Variants in ARL15 observed in about 807,000 individuals in gnomAD.
ARL15 encodes ARF like GTPase 15, also known as ADP-ribosylation factor-like protein 15.
ARL15 carries 19 observed loss-of-function variants against 25.2 expected under a neutral mutation model. That is an observed-to-expected ratio of 0.75 (90% confidence interval 0.53 to 1.10). ARL15 has a LOEUF of 1.10. Ranked by LOEUF, ARL15 falls within the 50% of genes least tolerant of loss-of-function variation. The probability of loss-of-function intolerance (pLI) is 0.00; values close to 1 mark genes in which losing one functional copy is unlikely to be tolerated. For synonymous variants in ARL15, 94 were observed against 86.8 expected, an observed-to-expected ratio of 1.08 and a Z score of -0.46; for missense variants, 220 against 246.0, an observed-to-expected ratio of 0.89 and a Z score of 0.71.
At chr5:53,921,766 T>C (rs1183667142) in intron 4 of ARL15, among the ~76,000 whole-genome samples, 1 of 152,142 alleles carries the variant, frequency 6.6e-6, no homozygotes, top group African/African-American at 2.4e-5. Context: ...AGAGAGACCC[T>C]GTCTCAAAAC....
At chr5:54,068,494 T>C (rs1409092661) in intron 4 of ARL15, among the ~76,000 whole-genome samples, 3 of 152,228 alleles carry the variant, frequency 2.0e-5, no homozygotes, top group African/African-American at 7.2e-5. Flanking sequence ...TTCTGTTTCT[T>C]TATCTCTAAC....
At chr5:54,177,945 A>T (rs1579877475) in intron 1 of ARL15, among the ~76,000 whole-genome samples, 2 of 152,214 alleles carry the variant, frequency 1.3e-5, no homozygotes, top group African/African-American at 4.8e-5. Flanking sequence ...ACAGACTAGC[A>T]CTACAGTTAA....
rs1580102028 is a variant in ARL15 at position 53,941,720 on chromosome 5, G to T, written c.463-55007C>A. ...AGCAGGCAAGATGCATGTTCCTGGT[G>T]GGCACAGTTGTTTATGTGGTGATTC... On this transcript the variant is annotated intron_variant, in intron 4 of 4. Transcript: ENST00000504924. Among the ~76,000 whole-genome samples the T allele has an allele frequency of 2.0e-5, 3 of 152,240 alleles. No individual in the cohort carries two copies. The East Asian group carries it at 5.8e-4, about 29-fold the overall frequency.
chr5:54,090,861 G>A (rs1191222176), intron 4 of ARL15, among the ~76,000 whole-genome samples: 1 of 152,102 alleles, frequency 6.6e-6, no homozygotes, highest in Non-Finnish European at 1.5e-5. Flanking sequence ...ACCACAAGGG[G>A]CTATAACAAG....
At chr5:53,927,478 G>A (rs548113575) in intron 4 of ARL15, among the ~76,000 whole-genome samples, 1 of 152,220 alleles carries the variant, frequency 6.6e-6, no homozygotes, top group African/African-American at 2.4e-5. Flanking sequence ...CCTGCCCTGG[G>A]TCCCAATTCA....
At chr5:53,979,576 A>C (rs1748053140) in intron 4 of ARL15, among the ~76,000 whole-genome samples, 1 of 151,990 alleles carries the variant, frequency 6.6e-6, no homozygotes, top group African/African-American at 2.4e-5. Context: ...ACAACAACAA[A>C]AATCTCATAC....
At chr5:53,990,878 CA>C (rs1335230575) in intron 4 of ARL15, among the ~76,000 whole-genome samples, 1 of 151,890 alleles carries the variant, frequency 6.6e-6, no homozygotes, top group Non-Finnish European at 1.5e-5. Flanking sequence ...TTTCAAAATT[CA>C]AAAAAATTTT....
chr5:54,075,349 G>A (rs1213341982), intron 4 of ARL15, among the ~76,000 whole-genome samples: 1 of 152,086 alleles, frequency 6.6e-6, no homozygotes, highest in East Asian at 1.9e-4. Context: ...AATTACAGAA[G>A]TAAAGTTTTA....
intron 4 of ARL15, among the ~76,000 whole-genome samples, chr5:53,902,963 CATGTCAGTCACGGGAAGGGA>C (rs1382268124): frequency 6.6e-6 from 1 of 152,104 alleles, no homozygotes; most frequent in Non-Finnish European, 1.5e-5. Context: ...AACCAGGTGC[CATGTCAGTCACGGGAAGGGA>C]ATTTCTTTCC....
At chr5:53,955,911 T>G (rs1403545848) in intron 4 of ARL15, among the ~76,000 whole-genome samples, 2 of 152,186 alleles carry the variant, frequency 1.3e-5, no homozygotes, top group Admixed American at 6.5e-5. Context: ...GTGGAAACCC[T>G]GCAGCTGCCT....
chr5:53,948,502 C>T (rs925952301), intron 4 of ARL15, among the ~76,000 whole-genome samples: 24 of 152,174 alleles, frequency 1.6e-4, no homozygotes, highest in Admixed American at 1.4e-3. Flanking sequence ...TGATCCTACA[C>T]CCTATTCTTA....
At chr5:54,064,705 T>A (rs951132871) in intron 4 of ARL15, among the ~76,000 whole-genome samples, 3 of 148,958 alleles carry the variant, frequency 2.0e-5, no homozygotes, top group Non-Finnish European at 4.4e-5. Flanking sequence ...CCCTGAGGTT[T>A]TATGAGCACT....
intron 4 of ARL15, among the ~76,000 whole-genome samples, chr5:53,900,578 C>G (rs1382772473): frequency 6.6e-6 from 1 of 151,102 alleles, no homozygotes; most frequent in Non-Finnish European, 1.5e-5. Context: ...ATCTAGTATT[C>G]TCAATATAAT....
intron 1 of ARL15, among the ~76,000 whole-genome samples, chr5:54,266,294 A>C (rs746375139): frequency 1.3e-5 from 2 of 152,240 alleles, no homozygotes; most frequent in Non-Finnish European, 2.9e-5. Context: ...GTGGCTGTAC[A>C]TAATAGATGA....
chr5:53,926,413 A>G (rs1320048687), intron 4 of ARL15, among the ~76,000 whole-genome samples: 1 of 152,084 alleles, frequency 6.6e-6, no homozygotes, highest in African/African-American at 2.4e-5. Flanking sequence ...CGGCGGGAAA[A>G]AAGTCCCCCC....
chr5:54,274,221 TGGGTCAGACTCAACCAGA>T (rs1561291536), intron 1 of ARL15, among the ~76,000 whole-genome samples: 2 of 152,088 alleles, frequency 1.3e-5, no homozygotes, highest in African/African-American at 4.8e-5. Flanking sequence ...CGGCTGACGC[TGGGTCAGACTCAACCAGA>T]AGGGCCACCC....
At chr5:54,268,550 T>C (rs1757692294) in intron 1 of ARL15, among the ~76,000 whole-genome samples, 1 of 152,186 alleles carries the variant, frequency 6.6e-6, no homozygotes, top group African/African-American at 2.4e-5. Context: ...GCTCTGCTTT[T>C]TAGAGTTTCC....
intron 4 of ARL15, among the ~76,000 whole-genome samples, chr5:54,106,854 CTAA>C (rs1021479469): frequency 5.9e-5 from 9 of 151,890 alleles, no homozygotes; most frequent in South Asian, 2.1e-4. Flanking sequence ...AGGCGAAATT[CTAA>C]TATTATGATT....
chr5:54,276,774 G>A (rs1201836686), intron 1 of ARL15, among the ~76,000 whole-genome samples: 1 of 152,216 alleles, frequency 6.6e-6, no homozygotes, highest in East Asian at 1.9e-4. Context: ...GAGTGTCAGA[G>A]TCATAGAGGA....
Sources: gnomAD v4.1 joint callset for allele counts (sites outside exome capture counted in the v4.1 genomes callset) on GRCh38, gnomAD v4.1.1 for gene constraint, MANE v1.5 for transcripts, NCBI Gene and HGNC (gene_info 2026-07-23, HGNC 2026-07-21) for gene names.